Variants in PSMD1 observed in about 807,000 individuals in gnomAD.
The protein encoded by PSMD1 is proteasome 26S subunit, non-ATPase 1, also known as 26S proteasome non-ATPase regulatory subunit 1.
PSMD1 carries 18 observed loss-of-function variants against 119.0 expected under a neutral mutation model. The observed-to-expected ratio is 0.15, with a 90% confidence interval of 0.10 to 0.22. The LOEUF (loss-of-function observed/expected upper bound fraction) is 0.22, where lower values mean the gene tolerates loss of function less well. Among genes scored for constraint, PSMD1 ranks in the 10% least tolerant of loss-of-function variants. The probability of loss-of-function intolerance (pLI) is 1.00; values close to 1 mark genes in which losing one functional copy is unlikely to be tolerated. For synonymous variants in PSMD1, 374 were observed against 396.6 expected (o/e 0.94, Z 0.68); for missense variants, 702 against 1,158.5 (o/e 0.61, Z 5.72).
intron 16 of PSMD1, among the ~76,000 whole-genome samples, chr2:231,125,292 T>G (rs1435648992): frequency 6.6e-6 from 1 of 152,256 alleles, no homozygotes; most frequent in Non-Finnish European, 1.5e-5. Flanking sequence ...TGTAATAAAC[T>G]TGATCATTTT....
intron 16 of PSMD1, among the ~76,000 whole-genome samples, chr2:231,115,318 A>G (rs1208179918): frequency 6.6e-6 from 1 of 152,168 alleles, no homozygotes; most frequent in Non-Finnish European, 1.5e-5. Context: ...GGCACTTGAC[A>G]AAGTATCCAG....
chr2:231,172,024 A>G (rs1258368210), intron 24 of PSMD1, among the ~76,000 whole-genome samples: 1 of 152,234 alleles, frequency 6.6e-6, no homozygotes, highest in Non-Finnish European at 1.5e-5. Flanking sequence ...GTAGGAAAAT[A>G]TATTTATACC....
intron 16 of PSMD1, among the ~76,000 whole-genome samples, chr2:231,091,832 G>A (rs2125183311): frequency 1.3e-5 from 2 of 152,286 alleles, no homozygotes; most frequent in East Asian, 3.9e-4. Context: ...TCCCAACTAT[G>A]TATTGGTTGA....
chr2:231,084,191 G>A (rs1454776187), intron 14 of PSMD1, among the ~76,000 whole-genome samples: 1 of 151,744 alleles, frequency 6.6e-6, no homozygotes. Context: ...TCTGCTAAAC[G>A]TAGAAAAAAA....
intron 23 of PSMD1, among the ~76,000 whole-genome samples, chr2:231,169,900 C>G (rs1331987522): frequency 6.6e-6 from 1 of 152,146 alleles, no homozygotes; most frequent in East Asian, 1.9e-4. Context: ...TTTTGTTTCC[C>G]ATGTATTTTT....
At chr2:231,107,413 C>T (rs1181405353) in intron 16 of PSMD1, among the ~76,000 whole-genome samples, 1 of 152,182 alleles carries the variant, frequency 6.6e-6, no homozygotes, top group Non-Finnish European at 1.5e-5. Flanking sequence ...GTTATCTTCA[C>T]TGCAGACCCC....
At position 231,170,702 on chromosome 2, in the gene PSMD1, T is replaced by C. The variant is rs1184404344; in HGVS notation, c.2852T>C (p.Ile951Thr). 4.2e-5 allele frequency: 68 copies of C among 1,611,230 alleles called. No individual in the cohort carries two copies. Among genetic ancestry groups the C allele is most frequent in the Non-Finnish European group, 5.7e-5 (67 of 1,179,146 alleles). Residue 951 changes from isoleucine to threonine, a missense_variant, in exon 24 of 25, where the codon ATT becomes ACT. Physicochemically the swap from Ile to Thr is moderately conservative, Grantham distance 89. Coordinates refer to ENST00000308696, the MANE Select transcript of PSMD1 (RefSeq NM_002807.4). This position sits in a 1 kb window ranked among gnomAD's most constrained non-coding sequence, Gnocchi z 4.1. ...GAACCCCCAGAACCATTTGAGTATATTGATGATTAAGGGCCAGAGGTGCGT... is the reference window on the plus strand; with the variant it reads ...GAACCCCCAGAACCATTTGAGTATACTGATGATTAAGGGCCAGAGGTGCGT... Reference protein sequence around the residue: ...EPEPPEPFEYIDD With the variant: ...EPEPPEPFEYTDD
intron 19 of PSMD1, among the ~76,000 whole-genome samples, chr2:231,154,237 G>A (rs1323479231): frequency 4.6e-5 from 7 of 152,102 alleles, no homozygotes; most frequent in Non-Finnish European, 1.0e-4. Flanking sequence ...TTCAAGACCA[G>A]CCTGGCCAAC....
At chr2:231,134,528 AG>A (rs1377459145) in intron 16 of PSMD1, among the ~76,000 whole-genome samples, 1 of 152,220 alleles carries the variant, frequency 6.6e-6, no homozygotes, top group Admixed American at 6.5e-5. Context: ...AAAGATAGAG[AG>A]GGTTCTTCAG....
At chr2:231,124,099 C>G (rs531156439) in intron 16 of PSMD1, 52 of 266,350 alleles carry the variant, frequency 2.0e-4, no homozygotes, top group African/African-American at 1.1e-3. Context: ...GTTGTAGAGT[C>G]GTGTTTGAAC....
At chr2:231,135,959 TA>T (rs1332994834) in intron 16 of PSMD1, among the ~76,000 whole-genome samples, 3 of 152,208 alleles carry the variant, frequency 2.0e-5, no homozygotes, top group Non-Finnish European at 4.4e-5. Flanking sequence ...ACAGTTTTCA[TA>T]AACTTCGTTC....
At chr2:231,065,770 C>G (rs1207881033) in intron 4 of PSMD1, among the ~76,000 whole-genome samples, 1 of 152,184 alleles carries the variant, frequency 6.6e-6, no homozygotes, top group Non-Finnish European at 1.5e-5. Context: ...CCCTCCCCTC[C>G]ATGCACCCAA....
intron 16 of PSMD1, among the ~76,000 whole-genome samples, chr2:231,090,408 A>G (rs542662538): frequency 4.3e-4 from 65 of 152,210 alleles, no homozygotes; most frequent in African/African-American, 1.4e-3. Context: ...AAAATACAAA[A>G]ATTAGCTGGA....
At chr2:231,083,944 C>T (rs1694373203) in intron 14 of PSMD1, among the ~76,000 whole-genome samples, 181 bp downstream of exon 14, 1 of 152,216 alleles carries the variant, frequency 6.6e-6, no homozygotes, top group Non-Finnish European at 1.5e-5. Flanking sequence ...AGAAAAGGTA[C>T]ATGGGAGTAA....
chr2:231,145,237 A>G (rs1696225672), intron 17 of PSMD1, among the ~76,000 whole-genome samples: 1 of 152,230 alleles, frequency 6.6e-6, no homozygotes, highest in Admixed American at 6.5e-5. Context: ...TACTTACACA[A>G]ACATAGATAG....
chr2:231,097,602 G>A (rs1331205744), intron 16 of PSMD1, among the ~76,000 whole-genome samples: 1 of 152,096 alleles, frequency 6.6e-6, no homozygotes, highest in Non-Finnish European at 1.5e-5. Context: ...ATAAATCGCT[G>A]CTGGTTGTAA....
chr2:231,101,186 G>T (rs760483348), intron 16 of PSMD1, among the ~76,000 whole-genome samples: 2 of 152,178 alleles, frequency 1.3e-5, no homozygotes, highest in Non-Finnish European at 2.9e-5. Context: ...CAAGTAGAGA[G>T]CAGTCCTGCA....
intron 12 of PSMD1, among the ~76,000 whole-genome samples, chr2:231,082,432 G>A (rs977662821): frequency 2.6e-5 from 4 of 152,174 alleles, no homozygotes; most frequent in African/African-American, 4.8e-5. Context: ...GGCTGGACAC[G>A]GTGGCTCACA....
At chr2:231,112,956 A>G (rs1273470530) in intron 16 of PSMD1, among the ~76,000 whole-genome samples, 1 of 152,096 alleles carries the variant, frequency 6.6e-6, no homozygotes, top group Non-Finnish European at 1.5e-5. Context: ...CCAGAGCTCA[A>G]GAGTTTGAGA....
Sources: gnomAD v4.1 joint callset for allele counts (sites outside exome capture counted in the v4.1 genomes callset) on GRCh38, gnomAD v4.1.1 for gene constraint, Gnocchi (gnomAD v3.1) non-coding constraint, MANE v1.5 for transcripts, NCBI Gene and HGNC (gene_info 2026-07-23, HGNC 2026-07-21) for gene names.